TAFA1: variants seen among roughly 807,000 people sequenced by gnomAD.
The protein encoded by TAFA1 is TAFA chemokine like family member 1.
A neutral mutation model predicts 18.5 loss-of-function variants in TAFA1; 4 were observed. The ratio of observed to expected loss-of-function variants is 0.22; its 90% CI spans 0.11 to 0.49. TAFA1 has a LOEUF of 0.49. Among genes scored for constraint, TAFA1 ranks in the 20% least tolerant of loss-of-function variants. The pLI, the probability that TAFA1 is intolerant of heterozygous loss-of-function variation, is 0.98. For synonymous variants in TAFA1, 56 were observed against 55.2 expected, an observed-to-expected ratio of 1.01 and a Z score of -0.06; for missense variants, 147 against 169.0, an observed-to-expected ratio of 0.87 and a Z score of 0.72.
At chr3:68,190,531 G>C (rs1217314451) in intron 2 of TAFA1, among the ~76,000 whole-genome samples, 1 of 151,826 alleles carries the variant, frequency 6.6e-6, no homozygotes. Context: ...TAACCTCAGG[G>C]TCATTTGGAA....
chr3:68,488,475 A>G (rs904965778), intron 3 of TAFA1, among the ~76,000 whole-genome samples: 1 of 152,146 alleles, frequency 6.6e-6, no homozygotes, highest in African/African-American at 2.4e-5. Context: ...CTTCAATACA[A>G]TCAAGTTGAC....
chr3:68,215,355 C>T (rs2066644484), intron 2 of TAFA1, among the ~76,000 whole-genome samples: 1 of 152,028 alleles, frequency 6.6e-6, no homozygotes, highest in Non-Finnish European at 1.5e-5. Context: ...AGTTAATCTT[C>T]ACGTCCCAAT....
At position 68,397,929 on chromosome 3, in the gene TAFA1, T is replaced by A. The variant is rs368263919; in HGVS notation, c.119-19351T>A. 4.6e-5 allele frequency among the ~76,000 whole-genome samples: 7 copies of A among 152,282 alleles called. No homozygotes were observed. In the East Asian group the frequency reaches 1.4e-3, roughly 29 times the overall value. On this transcript the variant is annotated intron_variant, in intron 2 of 4. Coordinates refer to ENST00000478136, the MANE Select transcript of TAFA1 (RefSeq NM_213609.4). ...GTTACAATTGCTTTTGGTGTTTTAG[T>A]CATTAAATATTTTCCCATGCCTATG...
chr3:68,321,070 C>T (rs1394886746), intron 2 of TAFA1, among the ~76,000 whole-genome samples: 1 of 152,198 alleles, frequency 6.6e-6, no homozygotes, highest in Non-Finnish European at 1.5e-5. Flanking sequence ...AATCGCTGAT[C>T]TACCTCTTGC....
chr3:68,123,047 C>T (rs1464906393), intron 2 of TAFA1, among the ~76,000 whole-genome samples: 1 of 151,868 alleles, frequency 6.6e-6, no homozygotes, highest in Non-Finnish European at 1.5e-5. Context: ...TCCTTCCTCC[C>T]TTCCTCCCTT....
the TAFA1 span, among the ~76,000 whole-genome samples, chr3:67,992,094 T>C: frequency 6.6e-6 from 1 of 152,230 alleles, no homozygotes; most frequent in Non-Finnish European, 1.5e-5. Context: ...GTTTCACTAG[T>C]GGACAGACAT....
At chr3:68,540,339 G>C (rs1575964589) in intron 4 of TAFA1, among the ~76,000 whole-genome samples, 1 of 151,990 alleles carries the variant, frequency 6.6e-6, no homozygotes, top group African/African-American at 2.4e-5. Flanking sequence ...GGATTATCCT[G>C]TTTCATTTTA....
chr3:68,233,229 G>A (rs1292212532), intron 2 of TAFA1, among the ~76,000 whole-genome samples: 1 of 151,660 alleles, frequency 6.6e-6, no homozygotes, highest in Non-Finnish European at 1.5e-5. Flanking sequence ...TTGCTGTTGA[G>A]TTCCTTGTAT....
At chr3:68,091,301 G>A (rs961039105) in intron 2 of TAFA1, among the ~76,000 whole-genome samples, 3 of 152,176 alleles carry the variant, frequency 2.0e-5, no homozygotes, top group African/African-American at 7.2e-5. Context: ...GGCTAGCCCT[G>A]AGAACAAATG....
intron 2 of TAFA1, among the ~76,000 whole-genome samples, chr3:68,277,281 C>A (rs969622917): frequency 6.6e-6 from 1 of 152,076 alleles, no homozygotes; most frequent in Admixed American, 6.6e-5. Context: ...TTAACTTAAA[C>A]GTTAAGGATA....
At chr3:68,371,167 C>T (rs1288688528) in intron 2 of TAFA1, among the ~76,000 whole-genome samples, 4 of 152,086 alleles carry the variant, frequency 2.6e-5, no homozygotes, top group African/African-American at 4.8e-5. Flanking sequence ...CTACTCTGAG[C>T]CTCTGTTTTT....
intron 2 of TAFA1, among the ~76,000 whole-genome samples, chr3:68,294,905 G>C (rs1243546193): frequency 1.3e-5 from 2 of 152,138 alleles, no homozygotes; most frequent in African/African-American, 4.8e-5. Context: ...TTTACTTCTT[G>C]AATCACACAG....
intron 2 of TAFA1, among the ~76,000 whole-genome samples, chr3:68,115,747 C>G (rs2106846687): frequency 6.6e-6 from 1 of 152,270 alleles, no homozygotes; most frequent in Middle Eastern, 3.4e-3. Context: ...TTGGTTTATT[C>G]CCATGTGCTG....
intron 2 of TAFA1, among the ~76,000 whole-genome samples, chr3:68,082,374 T>G (rs2064916362): frequency 6.6e-6 from 1 of 152,192 alleles, no homozygotes; most frequent in South Asian, 2.1e-4. Flanking sequence ...ATTCCTCATT[T>G]TTTTCCTGAA....
intron 2 of TAFA1, among the ~76,000 whole-genome samples, chr3:68,070,946 A>G (rs1333488662): frequency 6.6e-6 from 1 of 152,194 alleles, no homozygotes; most frequent in Admixed American, 6.5e-5. Flanking sequence ...GCCATTCAAC[A>G]AGTCTCTAGG....
At chr3:68,081,973 G>T (rs2064908274) in intron 2 of TAFA1, among the ~76,000 whole-genome samples, 1 of 152,206 alleles carries the variant, frequency 6.6e-6, no homozygotes, top group Non-Finnish European at 1.5e-5. Context: ...AGACTCCATG[G>T]GCGTAGGACC....
At chr3:68,271,463 A>G (rs2067665738) in intron 2 of TAFA1, among the ~76,000 whole-genome samples, 1 of 152,188 alleles carries the variant, frequency 6.6e-6, no homozygotes, top group Non-Finnish European at 1.5e-5. Flanking sequence ...AACAAGGATG[A>G]TTTCCCTAGT....
the TAFA1 span, among the ~76,000 whole-genome samples, chr3:67,993,255 A>G: frequency 1.3e-5 from 2 of 152,220 alleles, no homozygotes; most frequent in Non-Finnish European, 2.9e-5. Context: ...GTTAGCTTGT[A>G]TTTCTGATGG....
In TAFA1 at chr3:68,360,562, G is replaced by GT. The variant is rs1428461940; in HGVS notation, c.119-56710dup. ...TTATGTCATTTAGTATGGTTGTTGG[G>GT]TTTTTTTTAAGTCACAAATCTGCTC... is the stretch of plus-strand genomic sequence containing the variant. On this transcript the variant is annotated intron_variant, in intron 2 of 4. Coordinates refer to ENST00000478136, the MANE Select transcript of TAFA1 (RefSeq NM_213609.4). 5.3e-5 allele frequency among the ~76,000 whole-genome samples: 8 copies of GT among 151,770 alleles called. No homozygotes were observed. The East Asian group carries it at 1.4e-3, about 26-fold the overall frequency.
Sources: gnomAD v4.1 joint callset for allele counts (sites outside exome capture counted in the v4.1 genomes callset) on GRCh38, gnomAD v4.1.1 for gene constraint, MANE v1.5 for transcripts, NCBI Gene and HGNC (gene_info 2026-07-23, HGNC 2026-07-21) for gene names.